The following NTF3 variants were observed in gnomAD, a reference collection of about 807,000 sequenced individuals.
NTF3 encodes the protein neurotrophin 3.
Under a neutral mutation model 26.3 loss-of-function variants are expected in NTF3, and 8 were observed. The observed-to-expected ratio is 0.30, with a 90% CI of 0.18 to 0.55. NTF3 has a LOEUF of 0.55. Ranked by LOEUF, NTF3 falls within the 20% of genes least tolerant of loss-of-function variation. The probability of loss-of-function intolerance (pLI) is 0.93; values close to 1 mark genes in which losing one functional copy is unlikely to be tolerated. For missense variants in NTF3, 276 were observed against 352.9 expected (o/e 0.78, Z 1.75); for synonymous variants, 154 against 145.5 (o/e 1.06, Z -0.42).
intron 1 of NTF3, among the ~76,000 whole-genome samples, chr12:5,483,041 C>G (rs1940826681): frequency 6.6e-6 from 1 of 152,026 alleles, no homozygotes; most frequent in Middle Eastern, 3.4e-3. Context: ...ATCTCTGTCT[C>G]TTTCTCTTTT....
intron 1 of NTF3, among the ~76,000 whole-genome samples, chr12:5,470,696 C>T (rs1177770346): frequency 6.6e-6 from 1 of 152,206 alleles, no homozygotes; most frequent in Non-Finnish European, 1.5e-5. Context: ...ACGTGGGATT[C>T]AGCACTGTGT....
At chr12:5,442,609 T>G (rs998953097) in intron 1 of NTF3, among the ~76,000 whole-genome samples, 1 of 152,178 alleles carries the variant, frequency 6.6e-6, no homozygotes, top group Non-Finnish European at 1.5e-5. Flanking sequence ...ACTGTCCACT[T>G]CTGTCCTGAG....
intron 1 of NTF3, among the ~76,000 whole-genome samples, chr12:5,432,627 A>T (rs2121127058): frequency 7.8e-6 from 1 of 128,350 alleles, no homozygotes; most frequent in Admixed American, 7.6e-5. Flanking sequence ...ACCCTTCTCC[A>T]CCTCCTCCCC....
chr12:5,450,288 C>A (rs571945835), intron 1 of NTF3, among the ~76,000 whole-genome samples: 6 of 152,160 alleles, frequency 3.9e-5, no homozygotes, highest in Non-Finnish European at 7.3e-5. Flanking sequence ...ACAGGTGAAA[C>A]CCAGACTTAG....
chr12:5,449,328 G>A (rs1428012931), intron 1 of NTF3, among the ~76,000 whole-genome samples: 1 of 152,188 alleles, frequency 6.6e-6, no homozygotes, highest in Non-Finnish European at 1.5e-5. Context: ...GGTTTTGGGA[G>A]AAAGAGCCTA....
intron 1 of NTF3, among the ~76,000 whole-genome samples, chr12:5,441,301 G>A (rs1403773732): frequency 6.6e-6 from 1 of 152,182 alleles, no homozygotes; most frequent in African/African-American, 2.4e-5. Flanking sequence ...CTGGACAAAT[G>A]CGTGGATGGA....
intron 1 of NTF3, among the ~76,000 whole-genome samples, chr12:5,483,428 A>T (rs1021830903): frequency 6.6e-6 from 1 of 152,106 alleles, no homozygotes; most frequent in Non-Finnish European, 1.5e-5. Flanking sequence ...CGTCCTAGAG[A>T]TCCACTGTAG....
intron 1 of NTF3, among the ~76,000 whole-genome samples, chr12:5,435,451 T>A (rs1217343647): frequency 2.6e-5 from 4 of 152,176 alleles, no homozygotes; most frequent in Non-Finnish European, 4.4e-5. Flanking sequence ...TGTTTATGGA[T>A]CTTGGGGGCC....
Position 5,456,945 on chromosome 12 carries a change from C to A in NTF3, c.18+24603C>A, listed in dbSNP as rs141788526. Reference sequence around the variant, plus strand: ...GAGGTGCTGAGGGAGGCAGGGGGCCCGCAGAACGGCCTCCCATCTCCACTG... The same window carrying A: ...GAGGTGCTGAGGGAGGCAGGGGGCCAGCAGAACGGCCTCCCATCTCCACTG... On this transcript the variant is annotated intron_variant, in intron 1 of 1. Transcript: ENST00000423158. The surrounding 1 kb of genome is among the most constrained non-coding windows in gnomAD (Gnocchi z 4.4). Among the ~76,000 whole-genome samples the A allele has an allele frequency of 1.1e-3, 160 of 152,222 alleles. No homozygotes were observed. Among genetic ancestry groups the A allele is most frequent in the Middle Eastern group, 6.8e-3 (2 of 292 alleles).
chr12:5,455,533 A>AACACACACACACACACACACAC (rs60429736), intron 1 of NTF3, among the ~76,000 whole-genome samples: 3 of 103,766 alleles, frequency 2.9e-5, no homozygotes, highest in African/African-American at 9.0e-5. Flanking sequence ...ACCCCTCCCC[A>AACACACACACACACACACACAC]ACACACACAC....
At chr12:5,465,948 C>A (rs1342183190) in intron 1 of NTF3, among the ~76,000 whole-genome samples, 2 of 152,206 alleles carry the variant, frequency 1.3e-5, no homozygotes, top group African/African-American at 4.8e-5. Flanking sequence ...CCCCATCGAG[C>A]CTCAGAGAGC....
chr12:5,485,059 C>T (rs551243212), intron 1 of NTF3, among the ~76,000 whole-genome samples: 3 of 152,180 alleles, frequency 2.0e-5, no homozygotes, highest in Non-Finnish European at 2.9e-5. Flanking sequence ...TCTTTGGGTT[C>T]TTGGTTGTTT....
At chr12:5,480,862 A>C (rs570810685) in intron 1 of NTF3, among the ~76,000 whole-genome samples, 116 of 152,222 alleles carry the variant, frequency 7.6e-4, no homozygotes, top group African/African-American at 2.7e-3. Flanking sequence ...GTTTCTAAAC[A>C]AAAGGAATTT....
chr12:5,494,366 A>C lies in NTF3; in HGVS notation c.191A>C (p.Gln64Pro). Reference protein sequence around the residue: ...ADILKNKLSKQMVDVKENYQS... With the variant: ...ADILKNKLSKPMVDVKENYQS... ...ATTTTGAAAAACAAGCTCTCCAAGC[A>C]GATGGTGGACGTTAAGGAAAATTAC... The change falls in exon 2 of 2, where the codon CAG becomes CCG. Residue 64 changes from glutamine (Q) to proline (P), a missense_variant. Gln to Pro is a moderately conservative substitution (Grantham distance 76). This residue lies in a region of NTF3 where 221 missense variants were observed against 258.2 expected (regional missense o/e 0.86). Transcript: ENST00000423158. This position sits in a 1 kb window ranked among gnomAD's most constrained non-coding sequence, Gnocchi z 8.3. The C allele has an allele frequency of 6.2e-7, 1 of 1,614,134 alleles. No individual in the cohort carries two copies. Among genetic ancestry groups the C allele is most frequent in the Non-Finnish European group, 8.5e-7 (1 of 1,180,038 alleles).
intron 1 of NTF3, among the ~76,000 whole-genome samples, chr12:5,461,673 C>G (rs1046086536): frequency 5.9e-5 from 9 of 152,076 alleles, no homozygotes; most frequent in Non-Finnish European, 1.0e-4. Context: ...AGCCCTCTGT[C>G]AATAATGATT....
rs150618744 is a variant in NTF3, at chr12:5,469,359, G to A, written c.19-24835G>A. ...GAAGGGGAGGGTTTGGAAGGGTGGC[G>A]GCAGAGCTTAGACACCTGCTGCGAA... On this transcript the variant is annotated intron_variant, in intron 1 of 1. Coordinates refer to ENST00000423158, the MANE Select transcript of NTF3 (RefSeq NM_001102654.2). Among the ~76,000 whole-genome samples the A allele has an allele frequency of 1.2e-3, 181 of 152,204 alleles. 1 individual carries two copies. Among genetic ancestry groups the A allele is most frequent in the African/African-American group, 4.2e-3 (174 of 41,524 alleles).
chr12:5,480,662 G>A (rs950684944), intron 1 of NTF3, among the ~76,000 whole-genome samples: 3 of 152,082 alleles, frequency 2.0e-5, no homozygotes, highest in African/African-American at 7.2e-5. Flanking sequence ...GGGTTGGTGG[G>A]GCCACTCTGG....
chr12:5,444,516 G>A (rs1940279913), intron 1 of NTF3, among the ~76,000 whole-genome samples: 1 of 152,194 alleles, frequency 6.6e-6, no homozygotes, highest in African/African-American at 2.4e-5. Flanking sequence ...GAGAGTTACA[G>A]GTAGAGAAGT....
At chr12:5,449,818 A>G (rs1216610455) in intron 1 of NTF3, among the ~76,000 whole-genome samples, 1 of 152,204 alleles carries the variant, frequency 6.6e-6, no homozygotes, top group Non-Finnish European at 1.5e-5. Flanking sequence ...ATTCTCGCAC[A>G]TGCATTTGCT....
Sources: allele counts gnomAD v4.1 joint callset (sites outside exome capture counted in the v4.1 genomes callset), GRCh38; gene constraint gnomAD v4.1.1; regional missense constraint gnomAD v4.1.1; non-coding constraint Gnocchi (gnomAD v3.1); transcripts MANE v1.5; gene names NCBI Gene and HGNC (gene_info 2026-07-23, HGNC 2026-07-21).